Variants in CASK observed in about 807,000 individuals in gnomAD.
CASK encodes calcium/calmodulin dependent serine protein kinase.
Under a neutral mutation model 82.9 loss-of-function variants are expected in CASK, and 4 were observed. The observed-to-expected ratio is 0.05, with a 90% confidence interval of 0.02 to 0.11. The LOEUF is 0.11. Ranked by LOEUF, CASK falls within the 10% of genes least tolerant of loss-of-function variation. The pLI is 1.00. For missense variants in CASK, 358 were observed against 720.9 expected (o/e 0.50, Z 5.76); for synonymous variants, 259 against 253.5 (o/e 1.02, Z -0.20).
At chrX:41,769,394 T>C (rs1212398856) in intron 3 of CASK, among the ~76,000 whole-genome samples, 1 of 109,048 alleles carries the variant, frequency 9.2e-6, no homozygotes, top group Non-Finnish European at 1.9e-5. Context: ...GAGGTCTCAC[T>C]ATATTTCCCA....
chrX:41,546,171 T>C (rs191309219), intron 21 of CASK, among the ~76,000 whole-genome samples: 2 of 111,202 alleles, frequency 1.8e-5, no homozygotes, highest in East Asian at 2.8e-4. Flanking sequence ...GATGGGGATT[T>C]GCCATGTTGG....
rs1462279529 is a variant in CASK at position 41,612,297 on chromosome X, C to T, written c.1034-2272G>A. Among the ~76,000 whole-genome samples, 237 of 107,253 alleles carry T rather than the reference C, an allele frequency of 2.2e-3. 1 individual carries two copies. Among genetic ancestry groups the T allele is most frequent in the African/African-American group, 7.8e-3 (230 of 29,441 alleles). 93.1% of individuals were successfully genotyped at this position (107,253 alleles called of 115,157 possible). On this transcript the variant is annotated intron_variant, in intron 11 of 26. Coordinates refer to ENST00000378163, the MANE Select transcript of CASK (RefSeq NM_001367721.1). ...CGCCCATCGTCTGAGATGTGGGGAG[C>T]GCCTCTGCCCCGCCGCCCCGTCTGG...
In CASK at chrX:41,589,539, G is replaced by A. The variant is rs1020549465; in HGVS notation, c.1209C>T (p.Ser403=). 4 of 1,202,371 alleles carry A rather than the reference G, an allele frequency of 3.3e-6. No homozygotes were observed. The highest frequency in any genetic ancestry group is 3.4e-6 in the Non-Finnish European group (3 of 887,212). The change falls in exon 13 of 27, where the codon AGC becomes AGT. Residue 403 remains serine, a synonymous_variant. Transcript: ENST00000378163. Reference sequence around the variant, plus strand: ...CCTCTTTGGCTCTCTGTACTGCATCGCTTGGAGGATTCCTGATTTGTGGTG... The same window carrying A: ...CCTCTTTGGCTCTCTGTACTGCATCACTTGGAGGATTCCTGATTTGTGGTG... ...KSSPQIRNPP[S]DAVQRAKEVL...
intron 11 of CASK, among the ~76,000 whole-genome samples, chrX:41,610,725 T>C (rs751922656): frequency 1.8e-5 from 2 of 111,449 alleles, no homozygotes; most frequent in South Asian, 3.8e-4. Flanking sequence ...GCAAAGCAAA[T>C]GGAAGTGCCA....
chrX:41,730,804 G>A (rs1479706161), intron 5 of CASK, among the ~76,000 whole-genome samples: 1 of 111,595 alleles, frequency 9.0e-6, no homozygotes, highest in African/African-American at 3.3e-5. Flanking sequence ...CCGGGGTCAA[G>A]TGATTCTCCT....
intron 18 of CASK, among the ~76,000 whole-genome samples, chrX:41,557,598 T>C (rs905451902): frequency 3.6e-5 from 4 of 111,994 alleles, no homozygotes; most frequent in Non-Finnish European, 3.8e-5. Context: ...CTTTCTATTA[T>C]AGAATAAATA....
At chrX:41,608,518 G>A (rs980379737) in intron 12 of CASK, among the ~76,000 whole-genome samples, 1 of 111,820 alleles carries the variant, frequency 8.9e-6, no homozygotes, top group African/African-American at 3.3e-5. Context: ...GCACCCCAAA[G>A]CAAGTATGAT....
At chrX:41,647,952 A>G in intron 8 of CASK, among the ~76,000 whole-genome samples, 1 of 112,046 alleles carries the variant, frequency 8.9e-6, no homozygotes, top group East Asian at 2.8e-4. Flanking sequence ...GCAACATGAA[A>G]TGTAGGCACC....
At chrX:41,819,639 A>G (rs1454741342) in intron 2 of CASK, among the ~76,000 whole-genome samples, 1 of 111,625 alleles carries the variant, frequency 9.0e-6, no homozygotes, top group Non-Finnish European at 1.9e-5. Flanking sequence ...GAAACTTTAA[A>G]AAGAAAACTA....
intron 25 of CASK, among the ~76,000 whole-genome samples, chrX:41,529,098 C>T (rs919455183): frequency 1.3e-4 from 15 of 112,035 alleles, no homozygotes; most frequent in African/African-American, 1.6e-4. Flanking sequence ...TGCCTATGGC[C>T]GGCCCTCAGG....
chrX:41,865,950 T>G (rs906793126), intron 1 of CASK, among the ~76,000 whole-genome samples: 1 of 111,016 alleles, frequency 9.0e-6, no homozygotes, highest in Non-Finnish European at 1.9e-5. Flanking sequence ...AGCCATGAGG[T>G]GGAGGGCAGG....
At chrX:41,663,192 G>A (rs909923018) in intron 7 of CASK, among the ~76,000 whole-genome samples, 3 of 111,338 alleles carry the variant, frequency 2.7e-5, no homozygotes, top group Admixed American at 9.6e-5. Context: ...TACTATTTTT[G>A]TTCGAAATTT....
chrX:41,757,445 T>C (rs2068919225), intron 3 of CASK, among the ~76,000 whole-genome samples: 1 of 112,086 alleles, frequency 8.9e-6, no homozygotes, highest in South Asian at 3.7e-4. Context: ...TTTCTTCCAA[T>C]GAACTTATGA....
chrX:41,890,217 C>CGT (rs750705275), intron 1 of CASK, among the ~76,000 whole-genome samples: 35 of 63,290 alleles, frequency 5.5e-4, no homozygotes, highest in Admixed American at 2.9e-3. Context: ...AATGTGCATG[C>CGT]GTGTGTGTGT....
At chrX:41,893,691 T>C (rs1025626765) in intron 1 of CASK, among the ~76,000 whole-genome samples, 1 of 112,382 alleles carries the variant, frequency 8.9e-6, no homozygotes, top group African/African-American at 3.2e-5. Flanking sequence ...GGAAGGCTTA[T>C]TGGCTCAAAG....
chrX:41,911,355 C>T (rs1015124490), intron 1 of CASK, among the ~76,000 whole-genome samples: 3 of 111,993 alleles, frequency 2.7e-5, no homozygotes, highest in African/African-American at 6.5e-5. Flanking sequence ...CCAATCTAAG[C>T]AGTATTTCCA....
intron 5 of CASK, among the ~76,000 whole-genome samples, chrX:41,708,809 TA>T (rs1339567550): frequency 9.0e-6 from 1 of 111,712 alleles, no homozygotes; most frequent in Admixed American, 9.5e-5. Context: ...GTGACCCTCT[TA>T]AAGACTTTTT....
chrX:41,820,964 C>T (rs183512552), intron 2 of CASK, among the ~76,000 whole-genome samples: 13 of 110,943 alleles, frequency 1.2e-4, no homozygotes, highest in African/African-American at 2.3e-4. Flanking sequence ...GCATCATAAA[C>T]GTAGCCAAAA....
intron 14 of CASK, among the ~76,000 whole-genome samples, chrX:41,582,100 T>A (rs1434354081): frequency 9.0e-6 from 1 of 110,964 alleles, no homozygotes; most frequent in African/African-American, 3.3e-5. Flanking sequence ...TGTTCTACCA[T>A]CCTCACCTTT....
Sources: gnomAD v4.1 joint callset for allele counts (sites outside exome capture counted in the v4.1 genomes callset) on GRCh38, gnomAD v4.1.1 for gene constraint, MANE v1.5 for transcripts, NCBI Gene and HGNC (gene_info 2026-07-23, HGNC 2026-07-21) for gene names.